MRTFB: variants seen among roughly 807,000 people sequenced by gnomAD.
MRTFB encodes myocardin related transcription factor B, also known as myocardin-related transcription factor B.
Under a neutral mutation model 104.2 loss-of-function variants are expected in MRTFB, and 29 were observed. The ratio of observed to expected loss-of-function variants is 0.28; its 90% CI spans 0.21 to 0.38. The LOEUF is 0.38. MRTFB is among the 10% of genes least tolerant of loss of function. MRTFB has a pLI of 1.00. For synonymous variants in MRTFB, 535 were observed against 519.5 expected, an observed-to-expected ratio of 1.03 and a Z score of -0.41; for missense variants, 1,270 against 1,341.6, an observed-to-expected ratio of 0.95 and a Z score of 0.83.
chr16:14,216,623 C>T (rs1055321148), intron 6 of MRTFB, among the ~76,000 whole-genome samples: 23 of 151,992 alleles, frequency 1.5e-4, no homozygotes, highest in African/African-American at 4.8e-4. Flanking sequence ...TTATGATGAC[C>T]GACCGAGACA....
At chr16:14,200,614 G>A in intron 3 of MRTFB, 2 of 1,588,298 alleles carry the variant, frequency 1.3e-6, no homozygotes, top group Non-Finnish European at 1.7e-6. Flanking sequence ...GTAGACTAAT[G>A]GTTGGCCTAC....
the MRTFB span, among the ~76,000 whole-genome samples, chr16:14,046,858 G>A: frequency 6.6e-6 from 1 of 152,202 alleles, no homozygotes; most frequent in African/African-American, 2.4e-5. Flanking sequence ...TCTTTATGCA[G>A]TGATTATATA....
At chr16:14,187,356 G>A (rs190296948) in intron 3 of MRTFB, among the ~76,000 whole-genome samples, 5 of 151,946 alleles carry the variant, frequency 3.3e-5, no homozygotes, top group African/African-American at 7.2e-5. Flanking sequence ...CTGTCTTTTC[G>A]GAGAGGCCAT....
At chr16:14,089,543 G>A (rs2141953187) in intron 2 of MRTFB, among the ~76,000 whole-genome samples, 1 of 152,236 alleles carries the variant, frequency 6.6e-6, no homozygotes, top group South Asian at 2.1e-4. Context: ...TGGACATTGT[G>A]GTGGTTTCCA....
intron 3 of MRTFB, among the ~76,000 whole-genome samples, chr16:14,148,215 A>C (rs1292128453): frequency 6.6e-6 from 1 of 152,226 alleles, no homozygotes; most frequent in Non-Finnish European, 1.5e-5. Flanking sequence ...CTTAGACCTC[A>C]CAAGACTTTG....
the MRTFB span, among the ~76,000 whole-genome samples, chr16:14,039,058 G>A: frequency 1.3e-5 from 2 of 152,176 alleles, no homozygotes; most frequent in Admixed American, 6.5e-5. Context: ...CCCACAACAT[G>A]TGGGAATTAT....
At chr16:14,259,864 C>T (rs1204769084) in intron 16 of MRTFB, among the ~76,000 whole-genome samples, 8 of 152,208 alleles carry the variant, frequency 5.3e-5, no homozygotes. Flanking sequence ...ACAAACCATT[C>T]AAAAATAAAT....
chr16:14,259,761 A>T (rs80183162), intron 16 of MRTFB, among the ~76,000 whole-genome samples: 3,260 of 152,322 alleles, frequency 0.021, 108 homozygotes, highest in African/African-American at 0.074. Context: ...TCTCAAAAAA[A>T]TAAAAATAAT....
intron 12 of MRTFB, 174 bp downstream of exon 12, chr16:14,247,681 T>G: frequency 1.6e-6 from 1 of 622,296 alleles, no homozygotes; most frequent in Non-Finnish European, 2.7e-6. Context: ...TAGCACTGTT[T>G]TTATATAGTG....
intron 3 of MRTFB, among the ~76,000 whole-genome samples, chr16:14,144,948 CAA>C (rs373155376): frequency 1.7e-4 from 15 of 87,072 alleles, no homozygotes; most frequent in Admixed American, 5.1e-4. Context: ...GACTCTGTCT[CAA>C]AAAAAAAAAA....
At chr16:14,061,566 C>CTTT in the MRTFB span, among the ~76,000 whole-genome samples, 158 of 102,568 alleles carry the variant, frequency 1.5e-3, 1 homozygote, top group East Asian at 7.2e-3. Flanking sequence ...TCAAGGTCAT[C>CTTT]TTTTTTTTTT....
chr16:14,001,340 G>A, the MRTFB span, among the ~76,000 whole-genome samples: 2 of 152,122 alleles, frequency 1.3e-5, no homozygotes, highest in East Asian at 1.9e-4. Flanking sequence ...TGCTGTGAGC[G>A]CCCTCCTCAT....
intron 5 of MRTFB, 36 bp downstream of exon 5, chr16:14,212,445 C>G: frequency 6.3e-7 from 1 of 1,579,138 alleles, no homozygotes. Flanking sequence ...CTACTTCTCT[C>G]TCCTTCTCTC....
At position 14,116,368 on chromosome 16, in the gene MRTFB, G is replaced by C. The variant is rs552554262; in HGVS notation, c.-63-24176G>C. On this transcript the variant is annotated intron_variant, in intron 2 of 16. Coordinates refer to ENST00000571589, the MANE Select transcript of MRTFB (RefSeq NM_001308142.2). ...GTTCTAGATTAAGTACCCTACCGTT[G>C]TGTTTGGGCAATGTCTTATGCTCCT... Among the ~76,000 whole-genome samples, 4 of 152,206 alleles carry C rather than the reference G, an allele frequency of 2.6e-5. No homozygotes were observed. In the East Asian group the frequency reaches 7.7e-4, roughly 29 times the overall value.
Position 14,247,083 on chromosome 16 carries a change from G to GGCA in MRTFB, c.1832_1834dup (p.Gln611dup), listed in dbSNP as rs2043049370. 1 of 1,614,196 alleles carries GGCA rather than the reference G, an allele frequency of 6.2e-7. No homozygotes were observed. Among genetic ancestry groups the GGCA allele is most frequent in the African/African-American group, 1.3e-5 (1 of 75,058 alleles). ...ATGCAACTTGAGGTTGAAAAACGAG[G>GGCA]GCAGCAGCAGCGGCCCCTGGAAGCC... On this transcript the variant is annotated inframe_insertion, in exon 12 of 17. Transcript: ENST00000571589.
At chr16:14,092,095 A>G (rs2035110843) in intron 2 of MRTFB, among the ~76,000 whole-genome samples, 1 of 151,486 alleles carries the variant, frequency 6.6e-6, no homozygotes. Context: ...GTTCAGGGAT[A>G]TGCAAGCCAA....
intron 3 of MRTFB, among the ~76,000 whole-genome samples, chr16:14,157,088 A>G (rs1198540220): frequency 6.6e-6 from 1 of 152,230 alleles, no homozygotes; most frequent in East Asian, 1.9e-4. Flanking sequence ...TGCATTTTTC[A>G]TAATGTGCAC....
chr16:14,046,901 A>G, the MRTFB span, among the ~76,000 whole-genome samples: 1 of 152,270 alleles, frequency 6.6e-6, no homozygotes, highest in Non-Finnish European at 1.5e-5. Flanking sequence ...TATATAATAC[A>G]TATTGACTCA....
chr16:14,221,103 T>C (rs187424130), intron 8 of MRTFB, among the ~76,000 whole-genome samples: 32 of 152,346 alleles, frequency 2.1e-4, no homozygotes, highest in Non-Finnish European at 3.8e-4. Flanking sequence ...GGATTATTAA[T>C]ACGTTGTAGG....
Sources: allele counts gnomAD v4.1 joint callset (sites outside exome capture counted in the v4.1 genomes callset), GRCh38; gene constraint gnomAD v4.1.1; transcripts MANE v1.5; gene names NCBI Gene and HGNC (gene_info 2026-07-23, HGNC 2026-07-21).